Variants in CNTN5 observed in about 807,000 individuals in gnomAD.
CNTN5 encodes the protein contactin-5.
In CNTN5, 77 loss-of-function variants were observed where a neutral mutation model predicts 129.1. That is an observed-to-expected ratio of 0.60 (90% CI 0.50 to 0.72). CNTN5 has a LOEUF of 0.72. Among genes scored for constraint, CNTN5 ranks in the 30% least tolerant of loss-of-function variants. The probability of loss-of-function intolerance (pLI) is 0.00; values close to 1 mark genes in which losing one functional copy is unlikely to be tolerated. For synonymous variants in CNTN5, 509 were observed against 465.6 expected (o/e 1.09, Z -1.20); for missense variants, 1,478 against 1,328.8 (o/e 1.11, Z -1.75).
chr11:99,671,984 G>A (rs896447714), intron 3 of CNTN5, among the ~76,000 whole-genome samples: 1 of 152,130 alleles, frequency 6.6e-6, no homozygotes, highest in Admixed American at 6.5e-5. Flanking sequence ...TACTTTCCTT[G>A]TAATCATTCT....
In CNTN5 at chr11:99,438,069, GCAACATTTAA is replaced by G. The variant is rs1372540634; in HGVS notation, c.-71+112588_-71+112597del. Among the ~76,000 whole-genome samples the G allele has an allele frequency of 2.6e-5, 4 of 152,172 alleles. No homozygotes were observed. The South Asian group carries it at 8.3e-4, about 32-fold the overall frequency. On this transcript the variant is annotated intron_variant, in intron 2 of 24. Transcript: ENST00000524871. ...AATGCTTGTAAACTATCATTTTAGT[GCAACATTTAA>G]CACATGAGTAAAGGTTTATTCATGC...
chr11:100,296,148 G>A (rs17706346), intron 18 of CNTN5, among the ~76,000 whole-genome samples: 61,179 of 151,090 alleles, frequency 0.4, 13,940 homozygotes, highest in Non-Finnish European at 0.53. Context: ...TGTCTTACCC[G>A]TAACATTGAG....
chr11:99,419,880 A>G (rs1227563105), intron 2 of CNTN5, among the ~76,000 whole-genome samples: 1 of 152,118 alleles, frequency 6.6e-6, no homozygotes, highest in Non-Finnish European at 1.5e-5. Context: ...AATTAATTTC[A>G]TTAATTCAAA....
chr11:99,298,993 C>G (rs1009187032), intron 1 of CNTN5, among the ~76,000 whole-genome samples: 1 of 152,100 alleles, frequency 6.6e-6, no homozygotes, highest in African/African-American at 2.4e-5. Flanking sequence ...TGCTCCTGAC[C>G]AAAATCAGCC....
chr11:99,851,141 CT>C (rs1342730118), intron 6 of CNTN5, among the ~76,000 whole-genome samples: 3 of 166 alleles, frequency 0.018, no homozygotes, highest in South Asian at 0.12. Context: ...ATTTTAAATT[CT>C]CCCATAAATA....
At chr11:99,869,816 A>C (rs543745343) in intron 6 of CNTN5, among the ~76,000 whole-genome samples, 2 of 152,210 alleles carry the variant, frequency 1.3e-5, no homozygotes, top group African/African-American at 2.4e-5. Flanking sequence ...ATTCAGATCT[A>C]TGTGGCAAAG....
intron 2 of CNTN5, among the ~76,000 whole-genome samples, chr11:99,440,407 T>A (rs1943779418): frequency 1.3e-5 from 2 of 151,152 alleles, no homozygotes; most frequent in African/African-American, 4.8e-5. Flanking sequence ...TCCTATAATT[T>A]AAAAAATTAT....
At chr11:100,298,108 T>C (rs1388405954) in intron 19 of CNTN5, among the ~76,000 whole-genome samples, 1 of 151,364 alleles carries the variant, frequency 6.6e-6, no homozygotes, top group Admixed American at 6.6e-5. Flanking sequence ...CCTTCCTTTT[T>C]TGATGTTAAA....
chr11:99,402,521 C>CA (rs1941865658), intron 2 of CNTN5, among the ~76,000 whole-genome samples: 1 of 151,960 alleles, frequency 6.6e-6, no homozygotes, highest in Admixed American at 6.6e-5. Context: ...GGATATTGAC[C>CA]TATAGTTTTG....
intron 1 of CNTN5, among the ~76,000 whole-genome samples, chr11:99,161,361 G>A (rs7933778): frequency 0.2 from 30,361 of 151,830 alleles, 3,214 homozygotes; most frequent in Middle Eastern, 0.27. Flanking sequence ...TATTTTCAGA[G>A]CAGCACATTT....
intron 3 of CNTN5, among the ~76,000 whole-genome samples, chr11:99,740,895 G>A (rs1943867758): frequency 6.6e-6 from 1 of 152,226 alleles, no homozygotes; most frequent in East Asian, 1.9e-4. Flanking sequence ...TAAGTATGCT[G>A]TTAAATCTAA....
At chr11:99,703,808 A>G (rs539677539) in intron 3 of CNTN5, among the ~76,000 whole-genome samples, 1 of 151,022 alleles carries the variant, frequency 6.6e-6, no homozygotes, top group East Asian at 1.9e-4. Flanking sequence ...GAGTAACTCT[A>G]CTGGATCTCA....
chr11:99,551,089 C>T (rs138962990), intron 2 of CNTN5, among the ~76,000 whole-genome samples: 166 of 152,010 alleles, frequency 1.1e-3, no homozygotes, highest in African/African-American at 3.3e-3. Flanking sequence ...GTTTTTAGGC[C>T]ACTTTAAATA....
At chr11:99,710,797 G>C (rs964460542) in intron 3 of CNTN5, among the ~76,000 whole-genome samples, 1 of 151,828 alleles carries the variant, frequency 6.6e-6, no homozygotes, top group Non-Finnish European at 1.5e-5. Context: ...AAGGATGAGA[G>C]AAAAGGCAGA....
chr11:99,607,885 G>A (rs1162405552), intron 3 of CNTN5, among the ~76,000 whole-genome samples: 1 of 125,570 alleles, frequency 8.0e-6, no homozygotes, highest in Admixed American at 8.6e-5. Context: ...TCACTCATAG[G>A]TGGGAATTGA....
intron 2 of CNTN5, among the ~76,000 whole-genome samples, chr11:99,504,737 A>T (rs1490168405): frequency 2.6e-5 from 4 of 152,110 alleles, no homozygotes; most frequent in Non-Finnish European, 2.9e-5. Flanking sequence ...CAAATGAAAG[A>T]TTCTTCACTC....
intron 1 of CNTN5, among the ~76,000 whole-genome samples, chr11:99,142,024 C>T (rs530900648): frequency 4.0e-4 from 61 of 152,260 alleles, no homozygotes; most frequent in African/African-American, 1.4e-3. Flanking sequence ...GAGTGTCTGA[C>T]TGTGCTATAA....
chr11:99,865,417 A>G (rs116820273), intron 6 of CNTN5, among the ~76,000 whole-genome samples: 1,962 of 151,976 alleles, frequency 0.013, 41 homozygotes, highest in African/African-American at 0.045. Context: ...TTAAAATACT[A>G]TGAAAATTAT....
intron 3 of CNTN5, among the ~76,000 whole-genome samples, chr11:99,562,446 AC>A (rs1948872352): frequency 6.6e-6 from 1 of 152,156 alleles, no homozygotes; most frequent in South Asian, 2.1e-4. Context: ...TATTAAGTCC[AC>A]AGAAAAAAAT....
Sources: gnomAD v4.1 joint callset for allele counts (sites outside exome capture counted in the v4.1 genomes callset) on GRCh38, gnomAD v4.1.1 for gene constraint, MANE v1.5 for transcripts, NCBI Gene and HGNC (gene_info 2026-07-23, HGNC 2026-07-21) for gene names.